Variants in SORCS3 observed in about 807,000 individuals in gnomAD.
SORCS3 encodes the protein sortilin related VPS10 domain containing receptor 3.
A neutral mutation model predicts 146.3 loss-of-function variants in SORCS3; 57 were observed. The observed-to-expected ratio is 0.39, with a 90% CI of 0.31 to 0.49. SORCS3 has a LOEUF of 0.49. SORCS3 is among the 20% of genes least tolerant of loss of function. SORCS3 has a pLI of 0.92. For missense variants in SORCS3, 1,341 were observed against 1,575.5 expected, an observed-to-expected ratio of 0.85 and a Z score of 2.52; for synonymous variants, 653 against 618.5, an observed-to-expected ratio of 1.06 and a Z score of -0.83.
Position 105,209,614 on chromosome 10 carries a change from A to C in SORCS3, c.2262-1523A>C, listed in dbSNP as rs553957010. 2.6e-3 allele frequency among the ~76,000 whole-genome samples: 400 copies of C among 152,284 alleles called. 4 individuals carry two copies. The highest frequency in any genetic ancestry group is 4.1e-3 in the Non-Finnish European group (276 of 68,026). On this transcript the variant is annotated intron_variant, in intron 16 of 26. Transcript: ENST00000369701. ...CACTTATAGTTACCAACAGGTTATGACCCCAGAGATTTTGTCTGGGGAAGC... is the reference window on the plus strand; with the variant it reads ...CACTTATAGTTACCAACAGGTTATGCCCCCAGAGATTTTGTCTGGGGAAGC...
chr10:104,661,933 C>T (rs4917427), intron 1 of SORCS3, among the ~76,000 whole-genome samples: 148,868 of 152,288 alleles, frequency 0.98, 72,816 homozygotes, highest in East Asian at 1. Context: ...GGATCCAGCA[C>T]TTACTGAAGG....
chr10:104,871,581 C>G (rs1307263834), intron 2 of SORCS3, among the ~76,000 whole-genome samples: 1 of 152,168 alleles, frequency 6.6e-6, no homozygotes, highest in African/African-American at 2.4e-5. Context: ...TGCAATGTGT[C>G]TACAACAGAC....
intron 7 of SORCS3, among the ~76,000 whole-genome samples, chr10:105,124,665 A>C (rs939238890): frequency 1.3e-5 from 2 of 152,048 alleles, no homozygotes; most frequent in Non-Finnish European, 2.9e-5. Context: ...TTTAATCTCC[A>C]TGCTTTCCTC....
At chr10:104,801,850 T>C (rs764674018) in intron 1 of SORCS3, among the ~76,000 whole-genome samples, 42 of 152,210 alleles carry the variant, frequency 2.8e-4, no homozygotes, top group Non-Finnish European at 5.3e-4. Flanking sequence ...GTTAAAAAAT[T>C]GGAAATTTCT....
At chr10:104,964,072 CTT>C (rs745462346) in intron 3 of SORCS3, among the ~76,000 whole-genome samples, 20 of 152,254 alleles carry the variant, frequency 1.3e-4, no homozygotes, top group Admixed American at 5.2e-4. Context: ...TCCCTGGTCT[CTT>C]TGATTTTTTT....
At chr10:105,210,097 C>T (rs2056625086) in intron 16 of SORCS3, among the ~76,000 whole-genome samples, 1 of 152,088 alleles carries the variant, frequency 6.6e-6, no homozygotes, top group Non-Finnish European at 1.5e-5. Context: ...CCCCTCTCCC[C>T]TTCATTCCTG....
At position 105,256,806 on chromosome 10, in the gene SORCS3, T is replaced by C; in HGVS notation, c.3338-13T>C. On this transcript the variant is annotated splice_polypyrimidine_tract_variant and intron_variant, in intron 24 of 26. Coordinates refer to ENST00000369701, the MANE Select transcript of SORCS3 (RefSeq NM_014978.3). ...CATATCTGTTCTTTTCCTTATCTGT[T>C]CTTCTTTCCAAGCTCCATTGGTGGA... is the stretch of plus-strand genomic sequence containing the variant. 1 of 1,607,204 alleles carries C rather than the reference T, an allele frequency of 6.2e-7. No homozygotes were observed. Among genetic ancestry groups the C allele is most frequent in the East Asian group, 2.2e-5 (1 of 44,832 alleles).
At chr10:104,865,942 G>A (rs543602316) in intron 2 of SORCS3, among the ~76,000 whole-genome samples, 36 of 152,334 alleles carry the variant, frequency 2.4e-4, no homozygotes, top group African/African-American at 8.7e-4. Flanking sequence ...AAGGAGGCAT[G>A]TAGGGGTCAG....
At chr10:105,118,204 C>T (rs2133762936) in intron 7 of SORCS3, among the ~76,000 whole-genome samples, 1 of 152,182 alleles carries the variant, frequency 6.6e-6, no homozygotes, top group East Asian at 1.9e-4. Flanking sequence ...CCATGCTGTT[C>T]TCGTAAAAGT....
At chr10:105,174,863 A>G (rs1182706391) in intron 13 of SORCS3, among the ~76,000 whole-genome samples, 1 of 152,036 alleles carries the variant, frequency 6.6e-6, no homozygotes, top group East Asian at 1.9e-4. Context: ...TGGAGGTCGT[A>G]TCTCAATACT....
chr10:105,135,540 T>C (rs1313948040), intron 7 of SORCS3, among the ~76,000 whole-genome samples: 1 of 152,200 alleles, frequency 6.6e-6, no homozygotes, highest in Admixed American at 6.5e-5. Context: ...AAACTTTACA[T>C]GGCCAGGCTG....
intron 1 of SORCS3, among the ~76,000 whole-genome samples, chr10:104,752,948 GCCAA>G (rs1174847757): frequency 1.8e-5 from 1 of 55,800 alleles, no homozygotes. Flanking sequence ...ACCAAACCAA[GCCAA>G]CCAACCAACC....
At chr10:105,201,573 A>G (rs1158236020) in intron 16 of SORCS3, among the ~76,000 whole-genome samples, 3 of 152,212 alleles carry the variant, frequency 2.0e-5, no homozygotes, top group Non-Finnish European at 4.4e-5. Flanking sequence ...GACAGAGGTT[A>G]GAGAGCTACT....
chr10:104,940,895 T>G (rs989058067), intron 3 of SORCS3, among the ~76,000 whole-genome samples: 1 of 152,074 alleles, frequency 6.6e-6, no homozygotes, highest in Non-Finnish European at 1.5e-5. Context: ...TACTTTAAAG[T>G]TCATATGGAA....
intron 4 of SORCS3, 51 bp downstream of exon 4, chr10:104,977,544 T>C (rs2054906985): frequency 2.0e-6 from 3 of 1,494,698 alleles, no homozygotes; most frequent in Middle Eastern, 1.8e-4. Flanking sequence ...TACCACCATG[T>C]GAAAATCACT....
At chr10:104,921,414 G>C (rs1329863177) in intron 3 of SORCS3, among the ~76,000 whole-genome samples, 1 of 152,020 alleles carries the variant, frequency 6.6e-6, no homozygotes, top group East Asian at 1.9e-4. Flanking sequence ...CAGTGCATTG[G>C]AAATGGCAGA....
chr10:104,707,097 A>G (rs539215714), intron 1 of SORCS3, among the ~76,000 whole-genome samples: 1 of 152,230 alleles, frequency 6.6e-6, no homozygotes, highest in Admixed American at 6.5e-5. Context: ...CACAAGAAGG[A>G]GCAGTGGGAA....
At chr10:105,229,288 T>C in intron 20 of SORCS3, among the ~76,000 whole-genome samples, 1 of 152,130 alleles carries the variant, frequency 6.6e-6, no homozygotes, top group Middle Eastern at 3.2e-3. Flanking sequence ...TTGAATCTCT[T>C]TTTATCTCAC....
At chr10:104,993,991 A>T (rs181760027) in intron 4 of SORCS3, among the ~76,000 whole-genome samples, 1 of 152,324 alleles carries the variant, frequency 6.6e-6, no homozygotes, top group Non-Finnish European at 1.5e-5. Flanking sequence ...GGTAAAAAGG[A>T]AAATGAAGAA....
Sources: gnomAD v4.1 joint callset for allele counts (sites outside exome capture counted in the v4.1 genomes callset) on GRCh38, gnomAD v4.1.1 for gene constraint, MANE v1.5 for transcripts, NCBI Gene and HGNC (gene_info 2026-07-23, HGNC 2026-07-21) for gene names.